The following ASIC2 variants were observed in gnomAD, a reference collection of about 807,000 sequenced individuals.
The protein encoded by ASIC2 is acid-sensing ion channel 2.
A neutral mutation model predicts 57.3 loss-of-function variants in ASIC2; 25 were observed. That is an observed-to-expected ratio of 0.44 (90% CI 0.32 to 0.61). The LOEUF (loss-of-function observed/expected upper bound fraction) is 0.61, where lower values mean the gene tolerates loss of function less well. Ranked by LOEUF, ASIC2 falls within the 20% of genes least tolerant of loss-of-function variation. The pLI is 0.06. For synonymous variants in ASIC2, 319 were observed against 307.5 expected (o/e 1.04, Z -0.39); for missense variants, 641 against 738.1 (o/e 0.87, Z 1.52).
intron 1 of ASIC2, among the ~76,000 whole-genome samples, chr17:33,889,844 C>T (rs1914921139): frequency 6.6e-6 from 1 of 152,180 alleles, no homozygotes; most frequent in Non-Finnish European, 1.5e-5. Flanking sequence ...AAGTCAGAAC[C>T]ATTAGGAACA....
chr17:33,243,700 C>G (rs914185367), intron 1 of ASIC2, among the ~76,000 whole-genome samples: 2 of 152,100 alleles, frequency 1.3e-5, no homozygotes, highest in Non-Finnish European at 2.9e-5. Flanking sequence ...AAAACAGGAC[C>G]CATTCTTGCT....
At chr17:34,003,958 G>A (rs1277240115) in intron 1 of ASIC2, 6 of 152,310 alleles carry the variant, frequency 3.9e-5, no homozygotes, top group South Asian at 4.1e-4. Context: ...TCTTAAAACA[G>A]CCAGCATGCA....
chr17:33,090,186 G>C (rs2092151923), intron 2 of ASIC2, among the ~76,000 whole-genome samples: 1 of 152,128 alleles, frequency 6.6e-6, no homozygotes, highest in African/African-American at 2.4e-5. Flanking sequence ...TTTCTACCTT[G>C]TCCACCTGAC....
chr17:33,763,462 G>A (rs1910846203), intron 1 of ASIC2, among the ~76,000 whole-genome samples: 1 of 152,160 alleles, frequency 6.6e-6, no homozygotes, highest in African/African-American at 2.4e-5. Flanking sequence ...CATAGCAGAA[G>A]GGCCTTTTCC....
chr17:33,496,668 A>G (rs1355986295), intron 1 of ASIC2, among the ~76,000 whole-genome samples: 1 of 117,786 alleles, frequency 8.5e-6, no homozygotes, highest in East Asian at 3.0e-4. Context: ...CCCAGGCTGG[A>G]GTGCAGTGAT....
intron 3 of ASIC2, among the ~76,000 whole-genome samples, chr17:33,042,658 T>C (rs2091934209): frequency 6.6e-6 from 1 of 152,168 alleles, no homozygotes; most frequent in Non-Finnish European, 1.5e-5. Context: ...TCTGGTCACA[T>C]TGGACAGTAG....
At chr17:33,107,387 AATGTGTTTAATATTTTTTAACC>A (rs2092239204) in intron 2 of ASIC2, among the ~76,000 whole-genome samples, 2 of 152,206 alleles carry the variant, frequency 1.3e-5, no homozygotes, top group African/African-American at 4.8e-5. Flanking sequence ...GCAATGAATA[AATGTGTTTAATATTTTTTAACC>A]AGAATTCCCT....
chr17:33,831,243 G>A (rs951269079), intron 1 of ASIC2, among the ~76,000 whole-genome samples: 2 of 148,358 alleles, frequency 1.3e-5, no homozygotes, highest in East Asian at 4.1e-4. Flanking sequence ...CTCCCTAGTC[G>A]AGATTTTTGG....
intron 1 of ASIC2, among the ~76,000 whole-genome samples, chr17:33,714,468 A>T (rs1909147640): frequency 6.6e-6 from 1 of 152,222 alleles, no homozygotes; most frequent in Non-Finnish European, 1.5e-5. Flanking sequence ...AGATCTTGAA[A>T]ACCATGCTGA....
At chr17:33,421,414 C>T (rs887342634) in intron 1 of ASIC2, among the ~76,000 whole-genome samples, 14 of 152,190 alleles carry the variant, frequency 9.2e-5, no homozygotes, top group Non-Finnish European at 1.6e-4. Flanking sequence ...CCTCTGTAAG[C>T]GTCAGAGCTT....
At chr17:34,100,398 C>T (rs1254251072) in intron 1 of ASIC2, among the ~76,000 whole-genome samples, 4 of 152,056 alleles carry the variant, frequency 2.6e-5, no homozygotes, top group Admixed American at 6.6e-5. Flanking sequence ...CGGTAAGGCT[C>T]GTCACATCAT....
chr17:33,365,210 C>T (rs547075205), intron 1 of ASIC2, among the ~76,000 whole-genome samples: 25 of 152,212 alleles, frequency 1.6e-4, no homozygotes, highest in South Asian at 4.1e-4. Context: ...AACTCCAATT[C>T]GCTCTTCAAG....
At chr17:33,704,023 C>T (rs1000668113) in intron 1 of ASIC2, among the ~76,000 whole-genome samples, 8 of 152,176 alleles carry the variant, frequency 5.3e-5, no homozygotes, top group African/African-American at 1.9e-4. Flanking sequence ...ACTGTTCTCT[C>T]CCTACTTCCT....
At chr17:33,350,004 T>G (rs1365858241) in intron 1 of ASIC2, among the ~76,000 whole-genome samples, 1 of 152,194 alleles carries the variant, frequency 6.6e-6, no homozygotes, top group Non-Finnish European at 1.5e-5. Context: ...TTCTATTTAG[T>G]GGTGAAAACT....
At chr17:33,124,428 C>A (rs540166598) in intron 1 of ASIC2, among the ~76,000 whole-genome samples, 2 of 152,308 alleles carry the variant, frequency 1.3e-5, no homozygotes, top group African/African-American at 4.8e-5. Flanking sequence ...TGATTGATCA[C>A]AATGCTCTTT....
intron 1 of ASIC2, among the ~76,000 whole-genome samples, chr17:34,087,481 T>C (rs995063179): frequency 6.6e-6 from 1 of 152,226 alleles, no homozygotes. Context: ...CATTTTTTCC[T>C]TCATTCCAAC....
intron 1 of ASIC2, chr17:34,070,082 C>T (rs1229350404): frequency 6.6e-6 from 1 of 152,098 alleles, no homozygotes; most frequent in Non-Finnish European, 1.5e-5. Flanking sequence ...CACCTGTATA[C>T]TTTAGAGACA....
intron 1 of ASIC2, among the ~76,000 whole-genome samples, chr17:33,115,916 GCCCTTT>G (rs1225530628): frequency 6.6e-6 from 1 of 152,214 alleles, no homozygotes; most frequent in Non-Finnish European, 1.5e-5. Context: ...TCCAGGAAAT[GCCCTTT>G]CTGTGTTGGC....
chr17:33,798,908 C>T (rs772349801), intron 1 of ASIC2, among the ~76,000 whole-genome samples: 3 of 152,120 alleles, frequency 2.0e-5, no homozygotes, highest in African/African-American at 4.8e-5. Context: ...CTGGAGACTA[C>T]ATTAGGTGGG....
Sources: gnomAD v4.1 joint callset for allele counts (sites outside exome capture counted in the v4.1 genomes callset) on GRCh38, gnomAD v4.1.1 for gene constraint, MANE v1.5 for transcripts, NCBI Gene and HGNC (gene_info 2026-07-23, HGNC 2026-07-21) for gene names.